XPR1: variants seen among roughly 807,000 people sequenced by gnomAD.
XPR1 encodes the protein solute carrier family 53 member 1.
Under a neutral mutation model 87.5 loss-of-function variants are expected in XPR1, and 28 were observed. The ratio of observed to expected loss-of-function variants is 0.32; its 90% confidence interval spans 0.24 to 0.44. The LOEUF (loss-of-function observed/expected upper bound fraction) is 0.44, where lower values mean the gene tolerates loss of function less well. XPR1 is among the 20% of genes least tolerant of loss of function. The probability of loss-of-function intolerance (pLI) is 1.00; values close to 1 mark genes in which losing one functional copy is unlikely to be tolerated. For synonymous variants in XPR1, 300 were observed against 306.1 expected (o/e 0.98, Z 0.21); for missense variants, 559 against 862.3 (o/e 0.65, Z 4.41).
chr1:180,728,314 A>C (rs942008082), intron 2 of XPR1, among the ~76,000 whole-genome samples: 2 of 148,718 alleles, frequency 1.3e-5, no homozygotes, highest in African/African-American at 5.0e-5. Flanking sequence ...GGGGGTAGTA[A>C]TGAAAACTAT....
intron 2 of XPR1, among the ~76,000 whole-genome samples, chr1:180,759,286 T>G (rs1258498442): frequency 6.6e-6 from 1 of 151,778 alleles, no homozygotes; most frequent in Non-Finnish European, 1.5e-5. Flanking sequence ...CTGAAAGAAA[T>G]AGAGACACAA....
intron 1 of XPR1, among the ~76,000 whole-genome samples, chr1:180,639,108 C>A (rs546410170): frequency 9.7e-4 from 147 of 152,170 alleles, no homozygotes; most frequent in African/African-American, 3.3e-3. Flanking sequence ...ACCAGCCTGG[C>A]CAACATGGTG....
At chr1:180,681,088 G>C (rs1656562209) in intron 1 of XPR1, among the ~76,000 whole-genome samples, 1 of 152,102 alleles carries the variant, frequency 6.6e-6, no homozygotes, top group South Asian at 2.1e-4. Flanking sequence ...GATAGGGAGA[G>C]ATTTGTTAAA....
chr1:180,710,754 C>T (rs982898599), intron 2 of XPR1, among the ~76,000 whole-genome samples: 3 of 152,148 alleles, frequency 2.0e-5, no homozygotes, highest in Non-Finnish European at 4.4e-5. Flanking sequence ...CAGAGGGTCT[C>T]CTCACTTCCC....
intron 1 of XPR1, among the ~76,000 whole-genome samples, chr1:180,665,672 C>T (rs80302875): frequency 0.012 from 1,809 of 152,264 alleles, 29 homozygotes; most frequent in African/African-American, 0.041. Context: ...AATTGCTGCA[C>T]TCTCCCTCCC....
intron 2 of XPR1, among the ~76,000 whole-genome samples, chr1:180,747,947 CCAAAACAAAA>C (rs768614324): frequency 1.3e-5 from 2 of 152,050 alleles, no homozygotes; most frequent in Admixed American, 6.6e-5. Flanking sequence ...AGAACAACAA[CCAAAACAAAA>C]CAAAACAAAA....
At chr1:180,671,514 G>C (rs1057149019) in intron 1 of XPR1, among the ~76,000 whole-genome samples, 1 of 151,776 alleles carries the variant, frequency 6.6e-6, no homozygotes, top group African/African-American at 2.4e-5. Flanking sequence ...TAGTACAGTG[G>C]CTGGCACATA....
intron 3 of XPR1, among the ~76,000 whole-genome samples, chr1:180,790,094 A>T (rs1649318328): frequency 6.6e-6 from 1 of 152,100 alleles, no homozygotes. Context: ...GCTTCTGTTG[A>T]TGTATAATAC....
intron 2 of XPR1, among the ~76,000 whole-genome samples, chr1:180,760,797 C>T (rs1016254748): frequency 1.2e-4 from 18 of 152,210 alleles, no homozygotes; most frequent in African/African-American, 3.1e-4. Context: ...AAAAAGAGCC[C>T]GCATCGCCAA....
intron 2 of XPR1, among the ~76,000 whole-genome samples, chr1:180,773,869 G>A (rs757850335): frequency 2.6e-5 from 4 of 152,216 alleles, no homozygotes; most frequent in Non-Finnish European, 4.4e-5. Flanking sequence ...TTTATTAATC[G>A]AATAGAATGT....
At position 180,632,053 on chromosome 1, in the gene XPR1, T is replaced by C; in HGVS notation, c.-149T>C. On this transcript the variant is annotated 5_prime_UTR_variant, in exon 1 of 15. Transcript: ENST00000367590. ...AGGAGGAGGAAGATGGCGGGCGGGCTGCTCTGAAGAGACCTCGGCGGCGGC... is the reference window on the plus strand; with the variant it reads ...AGGAGGAGGAAGATGGCGGGCGGGCCGCTCTGAAGAGACCTCGGCGGCGGC... The C allele has an allele frequency of 7.1e-6, 6 of 849,516 alleles. No homozygotes were observed. The highest frequency in any genetic ancestry group is 1.2e-5 in the Non-Finnish European group (6 of 516,988). The allele number at this position is 849,516 out of a possible 1,614,324, so 52.6% of individuals were successfully genotyped here.
intron 2 of XPR1, among the ~76,000 whole-genome samples, chr1:180,781,609 A>C (rs566169303): frequency 1.3e-5 from 2 of 149,236 alleles, no homozygotes; most frequent in South Asian, 4.2e-4. Flanking sequence ...TTTTTTTTTT[A>C]AACACCCCTG....
intron 7 of XPR1, among the ~76,000 whole-genome samples, chr1:180,819,679 A>T (rs1332789526): frequency 1.3e-5 from 2 of 152,158 alleles, no homozygotes; most frequent in African/African-American, 4.8e-5. Context: ...GAAAATTTTG[A>T]TATATTAGAG....
chr1:180,717,406 T>G (rs1356406984), intron 2 of XPR1, among the ~76,000 whole-genome samples: 1 of 152,158 alleles, frequency 6.6e-6, no homozygotes, highest in Non-Finnish European at 1.5e-5. Context: ...AGGACCAAAA[T>G]ATACGAGATG....
chr1:180,778,579 C>G (rs1248778992), intron 2 of XPR1, among the ~76,000 whole-genome samples: 1 of 152,088 alleles, frequency 6.6e-6, no homozygotes, highest in African/African-American at 2.4e-5. Context: ...GCATCCTTGA[C>G]CCCTACCCAT....
chr1:180,652,757 T>G (rs1259310582), intron 1 of XPR1, among the ~76,000 whole-genome samples: 1 of 152,210 alleles, frequency 6.6e-6, no homozygotes, highest in East Asian at 1.9e-4. Context: ...AAATCTAGCT[T>G]GATGTATGAA....
chr1:180,809,111 T>C (rs1650111301), intron 6 of XPR1, among the ~76,000 whole-genome samples: 1 of 151,966 alleles, frequency 6.6e-6, no homozygotes, highest in South Asian at 2.1e-4. Context: ...AATGTAACAA[T>C]GTGGATAAAC....
intron 1 of XPR1, 60 bp downstream of exon 1, chr1:180,632,330 C>T (rs926887622): frequency 1.3e-6 from 2 of 1,555,720 alleles, no homozygotes; most frequent in African/African-American, 1.4e-5. Context: ...CCAGTCCTGA[C>T]GTCCACCGCC....
intron 9 of XPR1, 56 bp from the exon 10 acceptor site, chr1:180,834,818 G>A (rs1378633997): frequency 3.3e-6 from 5 of 1,533,110 alleles, no homozygotes; most frequent in Non-Finnish European, 4.4e-6. Context: ...ATGAAATGGA[G>A]ACATTTAATA....
Sources: gnomAD v4.1 joint callset for allele counts (sites outside exome capture counted in the v4.1 genomes callset) on GRCh38, gnomAD v4.1.1 for gene constraint, MANE v1.5 for transcripts, NCBI Gene and HGNC (gene_info 2026-07-23, HGNC 2026-07-21) for gene names.